GPR78: variants seen among roughly 807,000 people sequenced by gnomAD.
The protein encoded by GPR78 is G protein-coupled receptor 78.
In GPR78, 29 loss-of-function variants were observed where a neutral mutation model predicts 17.9. The observed-to-expected ratio is 1.62, with a 90% confidence interval of 1.20 to 2.21. The LOEUF (loss-of-function observed/expected upper bound fraction) is 2.21. Among genes scored for constraint, GPR78 ranks in the 30% most tolerant of loss-of-function variants. The pLI is 0.00. For missense variants in GPR78, 649 were observed against 530.5 expected (o/e 1.22, Z -2.19); for synonymous variants, 349 against 256.9 (o/e 1.36, Z -3.43).
In GPR78 at chr4:8,580,637, A is replaced by T; in HGVS notation, c.-346A>T. 2.6e-6 allele frequency: 1 copy of T among 378,066 alleles called. No individual in the cohort carries two copies. The highest frequency in any genetic ancestry group is 4.6e-5 in the Admixed American group (1 of 21,920). 23.4% of individuals were successfully genotyped at this position (378,066 alleles called of 1,614,324 possible). On this transcript the variant is annotated 5_prime_UTR_variant, in exon 1 of 3. Transcript: ENST00000382487. ...GGAAAGATACAGTGTTAGGAAAGAG[A>T]CCTCCCTCGCCCCTACGCCCCGCGC...
In GPR78 at chr4:8,589,612, G is replaced by A. The variant is rs1362257824; in HGVS notation, c.*2249G>A. Among the ~76,000 whole-genome samples, 1 of 152,234 alleles carries A rather than the reference G, an allele frequency of 6.6e-6. No homozygotes were observed. Among genetic ancestry groups the A allele is most frequent in the African/African-American group, 2.4e-5 (1 of 41,462 alleles). On this transcript the variant is annotated 3_prime_UTR_variant, in exon 3 of 3. Transcript: ENST00000382487. ...CCTGGGAGCTCCCCAGGTGCGAGGA[G>A]CCTGCCAGCCAGTGGGGCCTACACT...
chr4:8,584,869 G>A (rs7677913), intron 2 of GPR78, among the ~76,000 whole-genome samples: 76,211 of 152,134 alleles, frequency 0.5, 19,633 homozygotes, highest in Middle Eastern at 0.61. Flanking sequence ...TGCAATTGCT[G>A]AAAATATTTC....
Position 8,580,505 on chromosome 4 carries a change from A to C in GPR78, c.-478A>C. On this transcript the variant is annotated 5_prime_UTR_variant, in exon 1 of 3. Coordinates refer to ENST00000382487, the MANE Select transcript of GPR78 (RefSeq NM_080819.5). ...TTGCTGGCGTGTCAGCTGCGCGCGA[A>C]CCAGGGCTGGGAGGCTCGGCTGGAG... 1 of 158,062 alleles carries C rather than the reference A, an allele frequency of 6.3e-6. No individual in the cohort carries two copies. The highest frequency in any genetic ancestry group is 1.4e-5 in the Non-Finnish European group (1 of 72,360). The allele number at this position is 158,062 out of a possible 1,614,324, so 9.8% of individuals were successfully genotyped here.
rs374353570 is a variant in GPR78, at chr4:8,587,171, G to A, written c.900G>A (p.Pro300=). ...TCACGTACTCTCTGCTCCGCCGGCC[G>A]TTCCGCCAAGTCCTGGCCGGCATGG... ...DPFTYSLLRR[P]FRQVLAGMVH... is the part of the protein sequence containing the mutation. The change falls in exon 3 of 3, where the codon CCG becomes CCA. Residue 300 remains proline (P), a synonymous_variant. Coordinates refer to ENST00000382487, the MANE Select transcript of GPR78 (RefSeq NM_080819.5). 1.0e-4 allele frequency: 168 copies of A among 1,613,200 alleles called. No individual in the cohort carries two copies. The highest frequency in any genetic ancestry group is 1.3e-4 in the Non-Finnish European group (158 of 1,179,840).
At chr4:8,586,330 T>A (rs1713504212) in intron 2 of GPR78, among the ~76,000 whole-genome samples, 1 of 152,054 alleles carries the variant, frequency 6.6e-6, no homozygotes, top group Non-Finnish European at 1.5e-5. Context: ...AGACACAGAG[T>A]GTGAGACTGA....
rs112509882 is a variant in GPR78 at position 8,581,453 on chromosome 4, G to C, written c.471G>C (p.Ser157=). The part of the protein sequence containing the change: ...LGYSSAFASC[S]LRLPPEPERP... The stretch of plus-strand genomic sequence containing the variant: ...ACAGCAGCGCCTTCGCGTCCTGTTC[G>C]CTGCGCCTGCCGCCCGAGCCTGAGC... Residue 157 remains serine (S), a synonymous_variant, in exon 1 of 3, where the codon TCG becomes TCC. Transcript: ENST00000382487. 2.0e-4 allele frequency: 326 copies of C among 1,590,884 alleles called. No individual in the cohort carries two copies. In the African/African-American group the frequency reaches 3.7e-3, roughly 18 times the overall value.
At chr4:8,585,074 T>G (rs556391367) in intron 2 of GPR78, among the ~76,000 whole-genome samples, 52 of 152,338 alleles carry the variant, frequency 3.4e-4, no homozygotes, top group African/African-American at 1.3e-3. Context: ...CTCTTGAGTT[T>G]TACTGACTCA....
Position 8,581,001 on chromosome 4 carries a change from C to A in GPR78, c.19C>A (p.Leu7Met), listed in dbSNP as rs374035905. 1.3e-6 allele frequency: 2 copies of A among 1,590,970 alleles called. No homozygotes were observed. The highest frequency in any genetic ancestry group is 1.7e-5 in the Admixed American group (1 of 58,554). MGPGEALLAGLLVMVLA... is the reference protein window; with the variant it reads MGPGEAMLAGLLVMVLA... ...TAGCGCCATGGGCCCCGGCGAGGCG[C>A]TGCTGGCGGGTCTCCTGGTGATGGT... The change falls in exon 1 of 3, where the codon CTG (leucine) becomes ATG (methionine). Residue 7 changes from leucine (L) to methionine (M), a missense_variant. Leu to Met is a conservative substitution (Grantham distance 15, BLOSUM62 2). Transcript: ENST00000382487.
rs752417827 is a variant in GPR78 at position 8,587,383 on chromosome 4, G to A, written c.*20G>A. On this transcript the variant is annotated 3_prime_UTR_variant, in exon 3 of 3. Transcript: ENST00000382487. ...CACTGAGGGCCTGGCAGGGCTCATC[G>A]CCCCCACCTTCTAAGAAGCCCTGTG... is the stretch of plus-strand genomic sequence containing the variant. The A allele has an allele frequency of 1.4e-5, 23 of 1,602,448 alleles. No individual in the cohort carries two copies. Among genetic ancestry groups the A allele is most frequent in the African/African-American group, 2.7e-5 (2 of 74,832 alleles).
Position 8,580,972 on chromosome 4 carries a change from C to A in GPR78, c.-11C>A, listed in dbSNP as rs954665445. The stretch of plus-strand genomic sequence containing the variant: ...TGAGAACCCCAGGGTGCCTGGCGAG[C>A]CGCTAGCGCCATGGGCCCCGGCGAG... On this transcript the variant is annotated 5_prime_UTR_variant, in exon 1 of 3. Transcript: ENST00000382487. 8.4e-6 allele frequency: 13 copies of A among 1,553,830 alleles called. No homozygotes were observed. Among genetic ancestry groups the A allele is most frequent in the Non-Finnish European group, 1.1e-5 (13 of 1,153,372 alleles).
In GPR78 at chr4:8,581,475, G is replaced by GTCAC; in HGVS notation, c.493_494insTCAC (p.Glu165ValfsTer161). ...TTCGCTGCGCCTGCCGCCCGAGCCT[G>GTCAC]AGCGTCCGCGCTTCGCAGCCTTCAC... On this transcript the variant is annotated frameshift_variant, in exon 1 of 3. Transcript: ENST00000382487. LOFTEE classifies it high-confidence loss of function. 1 of 1,592,218 alleles carries GTCAC rather than the reference G, an allele frequency of 6.3e-7. No individual in the cohort carries two copies. Among genetic ancestry groups the GTCAC allele is most frequent in the South Asian group, 1.1e-5 (1 of 89,768 alleles).
Position 8,589,043 on chromosome 4 carries a change from T to C in GPR78, c.*1680T>C, listed in dbSNP as rs983009708. 5.3e-5 allele frequency among the ~76,000 whole-genome samples: 8 copies of C among 151,570 alleles called. No individual in the cohort carries two copies. The highest frequency in any genetic ancestry group is 1.9e-4 in the African/African-American group (8 of 41,248). ...CACCATGCCTGGCTAATTTTTGTATTTTTTTTTGTAGAGATGGCGGTCTCA... is the reference window on the plus strand; with the variant it reads ...CACCATGCCTGGCTAATTTTTGTATCTTTTTTTGTAGAGATGGCGGTCTCA... On this transcript the variant is annotated 3_prime_UTR_variant, in exon 3 of 3. Coordinates refer to ENST00000382487, the MANE Select transcript of GPR78 (RefSeq NM_080819.5).
rs764100082 is a variant in GPR78 at position 8,581,465 on chromosome 4, G to A, written c.483G>A (p.Pro161=). The change falls in exon 1 of 3, where the codon CCG becomes CCA. Residue 161 remains proline, a synonymous_variant. Coordinates refer to ENST00000382487, the MANE Select transcript of GPR78 (RefSeq NM_080819.5). ...SAFASCSLRL[P]PEPERPRFAA... is the part of the protein sequence containing the mutation. ...TCGCGTCCTGTTCGCTGCGCCTGCCGCCCGAGCCTGAGCGTCCGCGCTTCG... is the reference window on the plus strand; with the variant it reads ...TCGCGTCCTGTTCGCTGCGCCTGCCACCCGAGCCTGAGCGTCCGCGCTTCG... 6.3e-7 allele frequency: 1 copy of A among 1,591,472 alleles called. No homozygotes were observed. The highest frequency in any genetic ancestry group is 8.5e-7 in the Non-Finnish European group (1 of 1,176,722).
chr4:8,581,385 C>T lies in GPR78; in HGVS notation c.403C>T (p.Leu135=), dbSNP rs2109298690. Residue 135 remains leucine, a synonymous_variant, in exon 1 of 3, where the codon CTG becomes TTG. Transcript: ENST00000382487. ...LLLGCAWGQS[L]AFSGAALGCS... ...GCTGGGCTGTGCCTGGGGACAGTCG[C>T]TGGCCTTCTCAGGCGCTGCACTTGG... 1 of 1,584,546 alleles carries T rather than the reference C, an allele frequency of 6.3e-7. No individual in the cohort carries two copies.
Position 8,589,568 on chromosome 4 carries a change from G to A in GPR78, c.*2205G>A, listed in dbSNP as rs990357350. Among the ~76,000 whole-genome samples, 4 of 152,240 alleles carry A rather than the reference G, an allele frequency of 2.6e-5. No homozygotes were observed. Among genetic ancestry groups the A allele is most frequent in the African/African-American group, 9.6e-5 (4 of 41,458 alleles). On this transcript the variant is annotated 3_prime_UTR_variant, in exon 3 of 3. Transcript: ENST00000382487. Reference sequence around the variant, plus strand: ...CTGGAGCCCAGGCTGTGAGCTCCTTGGCTGAGCCCTCTCCTGTCCCTGGGA... The same window carrying A: ...CTGGAGCCCAGGCTGTGAGCTCCTTAGCTGAGCCCTCTCCTGTCCCTGGGA...
chr4:8,581,142 C>T lies in GPR78; in HGVS notation c.160C>T (p.Leu54=), dbSNP rs1399719040. 6.2e-7 allele frequency: 1 copy of T among 1,604,798 alleles called. No individual in the cohort carries two copies. Among genetic ancestry groups the T allele is most frequent in the East Asian group, 2.2e-5 (1 of 44,870 alleles). The part of the protein sequence containing the change: ...LLVNLSLGHL[L]LAALDMPFTL... ...GGTGAATCTGTCTCTGGGCCACCTG[C>T]TGCTGGCGGCGCTGGACATGCCCTT... The change falls in exon 1 of 3, where the codon CTG becomes TTG. Residue 54 remains leucine (L), a synonymous_variant. Transcript: ENST00000382487.
intron 2 of GPR78, among the ~76,000 whole-genome samples, chr4:8,584,867 C>T (rs1713437210): frequency 6.6e-6 from 1 of 152,206 alleles, no homozygotes; most frequent in Admixed American, 6.5e-5. Flanking sequence ...CCTGCAATTG[C>T]TGAAAATATT....
intron 2 of GPR78, among the ~76,000 whole-genome samples, chr4:8,586,450 C>A (rs969386918): frequency 6.6e-6 from 1 of 152,152 alleles, no homozygotes; most frequent in Admixed American, 6.5e-5. Flanking sequence ...GTGTGTGGTG[C>A]CCGTGGACAT....
Position 8,587,235 on chromosome 4 carries a change from A to G in GPR78, c.964A>G (p.Thr322Ala). Residue 322 changes from threonine to alanine, a missense_variant, in exon 3 of 3, where the codon ACC becomes GCC. Transcript: ENST00000382487. Reference sequence around the variant, plus strand: ...GAAGAGAACCCCGCGCCCAGCATCCACCCATGACAGCTCTCTGGATGTGGC... The same window carrying G: ...GAAGAGAACCCCGCGCCCAGCATCCGCCCATGACAGCTCTCTGGATGTGGC... ...LLKRTPRPAS[T>A]HDSSLDVAGM... The G allele has an allele frequency of 6.2e-7, 1 of 1,606,380 alleles. No homozygotes were observed. Among genetic ancestry groups the G allele is most frequent in the Non-Finnish European group, 8.5e-7 (1 of 1,174,684 alleles).
Sources: allele counts gnomAD v4.1 joint callset (sites outside exome capture counted in the v4.1 genomes callset), GRCh38; gene constraint gnomAD v4.1.1; transcripts MANE v1.5; gene names NCBI Gene and HGNC (gene_info 2026-07-23, HGNC 2026-07-21).